The following CDH13 variants were observed in gnomAD, a reference collection of about 807,000 sequenced individuals.
The protein encoded by CDH13 is cadherin-13.
CDH13 carries 24 observed loss-of-function variants against 63.8 expected under a neutral mutation model. The ratio of observed to expected loss-of-function variants is 0.38; its 90% CI spans 0.27 to 0.53. The LOEUF is 0.53. Ranked by LOEUF, CDH13 falls within the 20% of genes least tolerant of loss-of-function variation. The pLI, the probability that CDH13 is intolerant of heterozygous loss-of-function variation, is 0.85. For missense variants in CDH13, 1,049 were observed against 903.1 expected, an observed-to-expected ratio of 1.16 and a Z score of -2.07; for synonymous variants, 503 against 355.3, an observed-to-expected ratio of 1.42 and a Z score of -4.67.
chr16:82,659,770 C>T (rs1464430006), intron 1 of CDH13, among the ~76,000 whole-genome samples: 1 of 152,126 alleles, frequency 6.6e-6, no homozygotes, highest in Non-Finnish European at 1.5e-5. Context: ...GTTTCTCCAC[C>T]ATGGCATGGT....
At chr16:83,232,332 CTGGCCAACA>C (rs1426072672) in intron 5 of CDH13, among the ~76,000 whole-genome samples, 4 of 150,390 alleles carry the variant, frequency 2.7e-5, no homozygotes, top group Non-Finnish European at 4.4e-5. Context: ...CAAGACCAAC[CTGGCCAACA>C]TGGCGAAGCC....
intron 7 of CDH13, among the ~76,000 whole-genome samples, chr16:83,517,533 G>A (rs1467529509): frequency 6.9e-6 from 1 of 145,834 alleles, no homozygotes; most frequent in East Asian, 2.1e-4. Flanking sequence ...ATCAAAAGCA[G>A]CCCTTAAATG....
chr16:83,445,066 T>G (rs953371478), intron 6 of CDH13, among the ~76,000 whole-genome samples: 1 of 152,072 alleles, frequency 6.6e-6, no homozygotes, highest in African/African-American at 2.4e-5. Flanking sequence ...CAGGGATTAT[T>G]TATATTCTTA....
chr16:83,269,527 A>G (rs2088733281), intron 5 of CDH13, among the ~76,000 whole-genome samples: 1 of 152,154 alleles, frequency 6.6e-6, no homozygotes, highest in Non-Finnish European at 1.5e-5. Context: ...TTGTTCCTGG[A>G]AGGTACAGAG....
chr16:83,598,301 G>A (rs1387299272), intron 7 of CDH13, among the ~76,000 whole-genome samples: 2 of 152,090 alleles, frequency 1.3e-5, no homozygotes, highest in African/African-American at 4.8e-5. Context: ...GAAAATAGAG[G>A]CTGCAGTGAA....
chr16:82,826,811 C>G (rs991773761), intron 1 of CDH13: 1 of 152,150 alleles, frequency 6.6e-6, no homozygotes, highest in African/African-American at 2.4e-5. Context: ...GCATAGACAT[C>G]TAAATGTGAT....
chr16:83,321,911 C>T (rs1297432148), intron 5 of CDH13, among the ~76,000 whole-genome samples: 1 of 152,162 alleles, frequency 6.6e-6, no homozygotes, highest in Non-Finnish European at 1.5e-5. Flanking sequence ...TTCTGTGTGA[C>T]TATCTTGGGG....
At chr16:82,915,455 C>T (rs559427072) in intron 2 of CDH13, among the ~76,000 whole-genome samples, 7 of 152,282 alleles carry the variant, frequency 4.6e-5, no homozygotes, top group South Asian at 4.1e-4. Context: ...TGCCCAAAGA[C>T]GCCAGAGTGC....
At chr16:82,693,630 C>G (rs1207197383) in intron 1 of CDH13, among the ~76,000 whole-genome samples, 1 of 152,226 alleles carries the variant, frequency 6.6e-6, no homozygotes. Context: ...AGGACCACAT[C>G]CAAATGATAA....
intron 7 of CDH13, among the ~76,000 whole-genome samples, chr16:83,506,357 A>T (rs1476486507): frequency 1.3e-5 from 2 of 151,886 alleles, no homozygotes; most frequent in Non-Finnish European, 2.9e-5. Flanking sequence ...AATGCTCCTG[A>T]CTCCTGCACT....
chr16:82,802,709 A>G lies in CDH13; in HGVS notation c.46-55653A>G, dbSNP rs141904929. On this transcript the variant is annotated intron_variant, in intron 1 of 13. Coordinates refer to ENST00000567109, the MANE Select transcript of CDH13 (RefSeq NM_001257.5). The stretch of plus-strand genomic sequence containing the variant: ...ACAGGAACAGTTACTGGATTAATAT[A>G]ACTTTAAAGGTGAGCATACTGGGGA... Among the ~76,000 whole-genome samples the G allele has an allele frequency of 1.4e-4, 21 of 152,266 alleles. No homozygotes were observed. The East Asian group carries it at 3.5e-3, about 25-fold the overall frequency.
intron 5 of CDH13, among the ~76,000 whole-genome samples, chr16:83,238,238 G>A (rs973197941): frequency 2.8e-4 from 42 of 150,862 alleles, no homozygotes; most frequent in Admixed American, 1.3e-3. Flanking sequence ...AAAAAAGAGA[G>A]ATTTAGTGGA....
chr16:82,793,272 T>C (rs1017403297), intron 1 of CDH13, among the ~76,000 whole-genome samples: 4 of 151,986 alleles, frequency 2.6e-5, no homozygotes, highest in Non-Finnish European at 4.4e-5. Flanking sequence ...TGTGCAGACA[T>C]TGTGGATCTG....
chr16:83,742,169 G>A (rs888211910), intron 10 of CDH13, among the ~76,000 whole-genome samples: 22 of 152,354 alleles, frequency 1.4e-4, no homozygotes, highest in Admixed American at 1.4e-3. Flanking sequence ...AGTCCTTCCA[G>A]GTCAACAGCT....
rs112507867 is a variant in CDH13 at position 83,025,694 on chromosome 16, G to T, written c.158-6316G>T. On this transcript the variant is annotated intron_variant, in intron 2 of 13. Coordinates refer to ENST00000567109, the MANE Select transcript of CDH13 (RefSeq NM_001257.5). ...ACACACAAGCCAGGATTAGAAAAGG[G>T]CTTAGAAACCTACCCTTAAAACTTC... Among the ~76,000 whole-genome samples the T allele has an allele frequency of 3.1e-3, 478 of 152,268 alleles. 1 individual carries two copies. The highest frequency in any genetic ancestry group is 0.011 in the African/African-American group (458 of 41,552).
intron 10 of CDH13, among the ~76,000 whole-genome samples, chr16:83,736,565 T>C (rs1394626377): frequency 6.6e-6 from 1 of 152,198 alleles, no homozygotes; most frequent in African/African-American, 2.4e-5. Context: ...ATAAATGTCT[T>C]TGCAAAGACA....
intron 7 of CDH13, among the ~76,000 whole-genome samples, chr16:83,568,401 T>C (rs1904307969): frequency 6.6e-6 from 1 of 152,188 alleles, no homozygotes; most frequent in South Asian, 2.1e-4. Context: ...CATTTCCAAA[T>C]TCAACGATTA....
intron 6 of CDH13, among the ~76,000 whole-genome samples, chr16:83,466,406 C>A (rs910886804): frequency 6.6e-6 from 1 of 152,206 alleles, no homozygotes; most frequent in Non-Finnish European, 1.5e-5. Flanking sequence ...CAGAAACAGT[C>A]CAGCAACAGA....
intron 1 of CDH13, among the ~76,000 whole-genome samples, chr16:82,851,629 G>C (rs2039491329): frequency 6.6e-6 from 1 of 151,832 alleles, no homozygotes. Context: ...TTTTAAGGAG[G>C]TCAGACTCAG....
Sources: allele counts gnomAD v4.1 joint callset (sites outside exome capture counted in the v4.1 genomes callset), GRCh38; gene constraint gnomAD v4.1.1; transcripts MANE v1.5; gene names NCBI Gene and HGNC (gene_info 2026-07-23, HGNC 2026-07-21).